The following INTS6 variants were observed in gnomAD, a reference collection of about 807,000 sequenced individuals.
INTS6 encodes the protein integrator complex subunit 6, also known as DEAD box protein.
In INTS6, 16 loss-of-function variants were observed where a neutral mutation model predicts 104.9. The ratio of observed to expected loss-of-function variants is 0.15; its 90% CI spans 0.10 to 0.23. The LOEUF (loss-of-function observed/expected upper bound fraction) is 0.23, where lower values mean the gene tolerates loss of function less well. Among genes scored for constraint, INTS6 ranks in the 10% least tolerant of loss-of-function variants. The pLI is 1.00. For synonymous variants in INTS6, 324 were observed against 358.7 expected, an observed-to-expected ratio of 0.90 and a Z score of 1.09; for missense variants, 584 against 1,062.8, an observed-to-expected ratio of 0.55 and a Z score of 6.26.
chr13:51,369,191 C>T lies in INTS6; in HGVS notation c.2224G>A (p.Ala742Thr), dbSNP rs757368415. 122 of 1,613,748 alleles carry T rather than the reference C, an allele frequency of 7.6e-5. No homozygotes were observed. The highest frequency in any genetic ancestry group is 9.4e-5 in the Non-Finnish European group (111 of 1,179,868). ...TTGGTTGGCCGTTCCAGTAAACTGG[C>T]TGGAGAAGATGCTGAAAATTCCGTA... ...MDTEFSASSP[A>T]SLLERPTNHM... The change falls in exon 16 of 18, where the codon GCC (alanine) becomes ACC (threonine). Residue 742 changes from alanine (A) to threonine (T), a missense_variant. Ala to Thr is a moderately conservative substitution (Grantham distance 58). Transcript: ENST00000311234.
At chr13:51,409,106 G>A (rs890755674) in intron 4 of INTS6, among the ~76,000 whole-genome samples, 4 of 151,918 alleles carry the variant, frequency 2.6e-5, no homozygotes, top group African/African-American at 9.6e-5. Context: ...GAGCATCAGG[G>A]TCATATTTTA....
chr13:51,336,435 C>T, the INTS6 span, among the ~76,000 whole-genome samples: 1 of 152,010 alleles, frequency 6.6e-6, no homozygotes. Flanking sequence ...TGCAGTGAGC[C>T]GAGGTCGTGC....
intron 4 of INTS6, among the ~76,000 whole-genome samples, chr13:51,418,086 C>T (rs78084870): frequency 0.011 from 1,727 of 152,248 alleles, 25 homozygotes; most frequent in East Asian, 0.07. Context: ...AAGTTAAACA[C>T]TTAAGTTTAC....
chr13:51,340,912 G>A, the INTS6 span: 31 of 634,530 alleles, frequency 4.9e-5, no homozygotes, highest in African/African-American at 2.4e-4. Flanking sequence ...CAGCCCAGAC[G>A]GCTGGGCCTC....
At chr13:51,390,383 T>C (rs1462253391) in intron 5 of INTS6, among the ~76,000 whole-genome samples, 1 of 151,878 alleles carries the variant, frequency 6.6e-6, no homozygotes, top group Non-Finnish European at 1.5e-5. Flanking sequence ...TAAAATATAT[T>C]ATTAAAATTA....
rs765690245 is a variant in INTS6 at position 51,452,070 on chromosome 13, G to A, written c.112-15C>T. 3.5e-5 allele frequency: 56 copies of A among 1,608,124 alleles called. No homozygotes were observed. Among genetic ancestry groups the A allele is most frequent in the Non-Finnish European group, 4.5e-5 (53 of 1,177,128 alleles). Reference sequence around the variant, plus strand: ...CGGGCACGGAGCTGCGGGACGGGAGGAGGAACAGGGCGGGCGACAGGGAAG... The same window carrying A: ...CGGGCACGGAGCTGCGGGACGGGAGAAGGAACAGGGCGGGCGACAGGGAAG... On this transcript the variant is annotated splice_polypyrimidine_tract_variant and intron_variant, in intron 1 of 17. Transcript: ENST00000311234. The surrounding 1 kb of genome is among the most constrained non-coding windows in gnomAD (Gnocchi z 4.2).
At chr13:51,335,530 TGTA>T in the INTS6 span, among the ~76,000 whole-genome samples, 1 of 152,322 alleles carries the variant, frequency 6.6e-6, no homozygotes, top group Admixed American at 6.5e-5. Flanking sequence ...TGTAGAAGGA[TGTA>T]GATGTTCCAG....
intron 5 of INTS6, among the ~76,000 whole-genome samples, chr13:51,390,776 A>G (rs1956232682): frequency 6.6e-6 from 1 of 152,124 alleles, no homozygotes; most frequent in Non-Finnish European, 1.5e-5. Flanking sequence ...TTAACTGTAT[A>G]AAATAATGAT....
chr13:51,355,085 T>G, intron 3 of INTS6: 1 of 1,551,808 alleles, frequency 6.4e-7, no homozygotes, highest in Non-Finnish European at 8.7e-7. Context: ...GCATTTTAAA[T>G]TCTTGGGGAG....
Position 51,414,444 on chromosome 13 carries a change from T to C in INTS6, c.429+15850A>G, listed in dbSNP as rs986935140. On this transcript the variant is annotated intron_variant, in intron 4 of 17. Transcript: ENST00000311234. Reference sequence around the variant, plus strand: ...ATTTGTTTTTCTTTGTTGCAGAAAATATGCATTCAAAGAGGCACTGTATGT... The same window carrying C: ...ATTTGTTTTTCTTTGTTGCAGAAAACATGCATTCAAAGAGGCACTGTATGT... 2.0e-5 allele frequency among the ~76,000 whole-genome samples: 3 copies of C among 152,122 alleles called. No homozygotes were observed. The East Asian group carries it at 5.8e-4, about 29-fold the overall frequency.
chr13:51,390,172 G>C (rs1332167317), intron 5 of INTS6, among the ~76,000 whole-genome samples: 1 of 151,864 alleles, frequency 6.6e-6, no homozygotes, highest in Non-Finnish European at 1.5e-5. Context: ...AAAATATCTA[G>C]ACCTTTGCTA....
intron 4 of INTS6, among the ~76,000 whole-genome samples, chr13:51,420,798 G>A (rs1216078207): frequency 6.7e-6 from 1 of 149,572 alleles, no homozygotes; most frequent in East Asian, 1.9e-4. Context: ...ACAACCAAGT[G>A]CAATTTTGTA....
intron 4 of INTS6, among the ~76,000 whole-genome samples, chr13:51,403,760 G>A (rs1956495339): frequency 6.6e-6 from 1 of 152,002 alleles, no homozygotes; most frequent in Non-Finnish European, 1.5e-5. Context: ...TATCCCACGA[G>A]TTTGGAAAAG....
Position 51,378,298 on chromosome 13 carries a change from T to C in INTS6, c.1543A>G (p.Arg515Gly). The C allele has an allele frequency of 6.2e-7, 1 of 1,613,522 alleles. No homozygotes were observed. The highest frequency in any genetic ancestry group is 8.5e-7 in the Non-Finnish European group (1 of 1,179,516). Residue 515 changes from arginine to glycine, a missense_variant, in exon 12 of 18, where the codon AGA becomes GGA. This residue lies in a region of INTS6 where 74 missense variants were observed against 64.4 expected (regional missense o/e 1.15). Coordinates refer to ENST00000311234, the MANE Select transcript of INTS6 (RefSeq NM_012141.3). Reference protein sequence around the residue: ...LQGISEDVPHRLLDLNMKEYT... With the variant: ...LQGISEDVPHGLLDLNMKEYT... Reference sequence around the variant, plus strand: ...TCCTTCATATTAAGGTCTAGCAGTCTGTGAGGGACATCCTCTGAAATTCCC... The same window carrying C: ...TCCTTCATATTAAGGTCTAGCAGTCCGTGAGGGACATCCTCTGAAATTCCC...
At position 51,383,929 on chromosome 13, in the gene INTS6, CA is replaced by C. The variant is rs374672288; in HGVS notation, c.895-189del. The C allele has an allele frequency of 9.0e-4, 358 of 397,472 alleles. 2 individuals are homozygous for C. The East Asian group carries it at 0.013, about 15-fold the overall frequency. The allele number at this position is 397,472 out of a possible 1,614,324, so 24.6% of individuals were successfully genotyped here. The stretch of plus-strand genomic sequence containing the variant: ...TGCTAAAGTTATGTAATATTCACAA[CA>C]AAAAGATAAACACTTGAAAATCTAT... On this transcript the variant is annotated intron_variant, in intron 7 of 17. Transcript: ENST00000311234.
In INTS6 at chr13:51,374,956, T is replaced by C. The variant is rs891850907; in HGVS notation, c.1730-160A>G. Among the ~76,000 whole-genome samples the C allele has an allele frequency of 3.3e-5, 5 of 152,202 alleles. No homozygotes were observed. The highest frequency in any genetic ancestry group is 1.2e-4 in the African/African-American group (5 of 41,456). On this transcript the variant is annotated intron_variant, in intron 13 of 17. Coordinates refer to ENST00000311234, the MANE Select transcript of INTS6 (RefSeq NM_012141.3). ...CAATTATAACCACTGCGACAAAATATTTTAAAATAAAATTTAAAATACTGA... is the reference window on the plus strand; with the variant it reads ...CAATTATAACCACTGCGACAAAATACTTTAAAATAAAATTTAAAATACTGA...
intron 3 of INTS6, among the ~76,000 whole-genome samples, chr13:51,434,122 G>A (rs933260538): frequency 6.6e-6 from 1 of 152,146 alleles, no homozygotes; most frequent in South Asian, 2.1e-4. Context: ...ACAAGGAATG[G>A]CATTATAATC....
intron 4 of INTS6, among the ~76,000 whole-genome samples, chr13:51,415,607 G>T (rs1034422125): frequency 6.6e-6 from 1 of 152,114 alleles, no homozygotes; most frequent in Non-Finnish European, 1.5e-5. Flanking sequence ...CCTTCCACCA[G>T]GATTGTGAGG....
chr13:51,448,285 A>T (rs1952965040), intron 3 of INTS6: 1 of 152,234 alleles, frequency 6.6e-6, no homozygotes, highest in South Asian at 2.1e-4. Flanking sequence ...ATCTGCAATG[A>T]TATGCAACTT....
Sources: gnomAD v4.1 joint callset for allele counts (sites outside exome capture counted in the v4.1 genomes callset) on GRCh38, gnomAD v4.1.1 for gene constraint, gnomAD v4.1.1 regional missense constraint, Gnocchi (gnomAD v3.1) non-coding constraint, MANE v1.5 for transcripts, NCBI Gene and HGNC (gene_info 2026-07-23, HGNC 2026-07-21) for gene names.